The following MCU variants were observed in gnomAD, a reference collection of about 807,000 sequenced individuals.
MCU encodes the protein calcium uniporter protein, mitochondrial.
MCU carries 12 observed loss-of-function variants against 45.2 expected under a neutral mutation model. That is an observed-to-expected ratio of 0.27 (90% CI 0.17 to 0.43). The LOEUF is 0.43. Among genes scored for constraint, MCU ranks in the 20% least tolerant of loss-of-function variants. The pLI is 1.00. For synonymous variants in MCU, 160 were observed against 165.1 expected (o/e 0.97, Z 0.24); for missense variants, 324 against 436.7 (o/e 0.74, Z 2.30).
intron 3 of MCU, chr10:72,860,159 A>G (rs2132870048): frequency 8.2e-6 from 3 of 366,956 alleles, no homozygotes; most frequent in South Asian, 6.5e-5. Context: ...TAGATTTCCA[A>G]TGTACACCTA....
intron 1 of MCU, among the ~76,000 whole-genome samples, chr10:72,803,694 G>C (rs563722607): frequency 6.6e-6 from 1 of 151,520 alleles, no homozygotes; most frequent in Non-Finnish European, 1.5e-5. Context: ...CCAACACATA[G>C]CCTATCTTAT....
chr10:72,757,305 G>GGAGA (rs1843592185), intron 1 of MCU, among the ~76,000 whole-genome samples: 1 of 152,120 alleles, frequency 6.6e-6, no homozygotes, highest in South Asian at 2.1e-4. Flanking sequence ...AAGAAACAAG[G>GGAGA]GAGATGTGAC....
intron 1 of MCU, among the ~76,000 whole-genome samples, chr10:72,731,497 A>G (rs910984361): frequency 1.3e-5 from 2 of 152,110 alleles, no homozygotes; most frequent in African/African-American, 4.8e-5. Flanking sequence ...AAAGTATACA[A>G]TTCAGTGGTT....
chr10:72,720,749 G>A (rs996270012), intron 1 of MCU, among the ~76,000 whole-genome samples: 1 of 152,144 alleles, frequency 6.6e-6, no homozygotes, highest in African/African-American at 2.4e-5. Context: ...GATTTTACTT[G>A]TATTCTCTGC....
rs377258226 is a variant in MCU, at chr10:72,853,322, G to A, written c.221-5855G>A. 4.6e-5 allele frequency among the ~76,000 whole-genome samples: 7 copies of A among 152,148 alleles called. No individual in the cohort carries two copies. In the East Asian group the frequency reaches 9.6e-4, roughly 21 times the overall value. On this transcript the variant is annotated intron_variant, in intron 2 of 7. Transcript: ENST00000373053. ...AGAAATGGAAGATATAAAAAGAAAT[G>A]CAACTTCTAGAGGTGAAAAATATGT...
rs375934982 is a variant in MCU, at chr10:72,833,796, A to AT, written c.151-557dup. On this transcript the variant is annotated intron_variant, in intron 1 of 7. Coordinates refer to ENST00000373053, the MANE Select transcript of MCU (RefSeq NM_138357.3). ...GTAGAGGTGGATGTGAGTGTGAGTGATTTTTTCTAACACTCTGAAGCGGTC... is the reference window on the plus strand; with the variant it reads ...GTAGAGGTGGATGTGAGTGTGAGTGATTTTTTTCTAACACTCTGAAGCGGTC... Among the ~76,000 whole-genome samples, 3 of 152,250 alleles carry AT rather than the reference A, an allele frequency of 2.0e-5. 1 individual carries two copies. Among genetic ancestry groups the AT allele is most frequent in the South Asian group, 4.1e-4 (2 of 4,824 alleles).
chr10:72,726,194 C>G (rs1843098176), intron 1 of MCU, among the ~76,000 whole-genome samples: 1 of 151,954 alleles, frequency 6.6e-6, no homozygotes, highest in African/African-American at 2.4e-5. Context: ...GCCGTGGCAC[C>G]TGGCTCCACC....
chr10:72,828,560 G>A (rs549832050), intron 1 of MCU, among the ~76,000 whole-genome samples: 1 of 151,856 alleles, frequency 6.6e-6, no homozygotes, highest in African/African-American at 2.4e-5. Flanking sequence ...GGGGGCTATT[G>A]ACAGGTTATT....
At chr10:72,787,740 A>G (rs1381044025) in intron 1 of MCU, among the ~76,000 whole-genome samples, 1 of 150,004 alleles carries the variant, frequency 6.7e-6, no homozygotes, top group Non-Finnish European at 1.5e-5. Flanking sequence ...TTTTTTTGAG[A>G]CAGACTCTCG....
intron 1 of MCU, among the ~76,000 whole-genome samples, chr10:72,714,345 C>CTTGTTTTTTTTT (rs1842931827): frequency 1.8e-5 from 1 of 54,768 alleles, no homozygotes; most frequent in African/African-American, 6.4e-5. Context: ...CCGCCCTGGT[C>CTTGTTTTTTTTT]TTTTTTTTTT....
chr10:72,875,299 C>A (rs966673368), intron 6 of MCU, among the ~76,000 whole-genome samples: 1 of 152,140 alleles, frequency 6.6e-6, no homozygotes, highest in African/African-American at 2.4e-5. Flanking sequence ...TTACTTCTTA[C>A]AAAGGGCTGT....
intron 1 of MCU, among the ~76,000 whole-genome samples, chr10:72,702,029 C>T (rs1450940789): frequency 6.6e-6 from 1 of 151,754 alleles, no homozygotes; most frequent in Non-Finnish European, 1.5e-5. Context: ...CACCTGAGGT[C>T]AGGAGTTCAG....
intron 1 of MCU, among the ~76,000 whole-genome samples, chr10:72,815,533 G>C (rs1001557319): frequency 1.3e-5 from 2 of 152,166 alleles, no homozygotes; most frequent in African/African-American, 4.8e-5. Flanking sequence ...CAGAACTTGG[G>C]TTTACCTTAG....
At chr10:72,751,341 CTTTTTT>C (rs71021528) in intron 1 of MCU, among the ~76,000 whole-genome samples, 7 of 44,746 alleles carry the variant, frequency 1.6e-4, no homozygotes, top group East Asian at 5.8e-4. Flanking sequence ...TCTTCTTCTT[CTTTTTT>C]TTTTTTTTTT....
intron 1 of MCU, among the ~76,000 whole-genome samples, chr10:72,743,261 AT>A (rs1843361014): frequency 6.6e-6 from 1 of 151,718 alleles, no homozygotes; most frequent in African/African-American, 2.4e-5. Context: ...ATAAAAAAAA[AT>A]AAATGCTAGG....
intron 1 of MCU, among the ~76,000 whole-genome samples, chr10:72,735,073 C>CA (rs746175227): frequency 0.014 from 1,332 of 98,326 alleles, 7 homozygotes; most frequent in Non-Finnish European, 0.018. Context: ...GAGATTGTCT[C>CA]AAAAAAAAAA....
At position 72,884,295 on chromosome 10, in the gene MCU, A is replaced by G. The variant is rs994852419; in HGVS notation, c.891A>G (p.Arg297=). ...QEYVYPEARD[R]QYLLFFHKGA... ...ATGTTTATCCAGAAGCCAGAGACAG[A>G]CAATACTTACTATTTTTCCATAAAG... The change falls in exon 7 of 8, where the codon AGA becomes AGG. Residue 297 remains arginine (R), a synonymous_variant. Coordinates refer to ENST00000373053, the MANE Select transcript of MCU (RefSeq NM_138357.3). 2 of 1,610,444 alleles carry G rather than the reference A, an allele frequency of 1.2e-6. No homozygotes were observed. The highest frequency in any genetic ancestry group is 1.3e-5 in the African/African-American group (1 of 74,834).
At position 72,714,139 on chromosome 10, in the gene MCU, G is replaced by C. The variant is rs573414622; in HGVS notation, c.150+21838G>C. ...GCTCTACCACACCTGGCTAATTTTTGTATTTTTAGTAGCGATGGGGTTTCA... is the reference window on the plus strand; with the variant it reads ...GCTCTACCACACCTGGCTAATTTTTCTATTTTTAGTAGCGATGGGGTTTCA... On this transcript the variant is annotated intron_variant, in intron 1 of 7. Transcript: ENST00000373053. 4.7e-3 allele frequency among the ~76,000 whole-genome samples: 710 copies of C among 151,516 alleles called. 7 individuals are homozygous for C. The highest frequency in any genetic ancestry group is 6.8e-3 in the Non-Finnish European group (463 of 67,818).
At chr10:72,822,103 C>T (rs914746623) in intron 1 of MCU, among the ~76,000 whole-genome samples, 8 of 152,080 alleles carry the variant, frequency 5.3e-5, no homozygotes, top group African/African-American at 1.4e-4. Flanking sequence ...TGGTGAAACC[C>T]CATGTCTACT....
Sources: allele counts gnomAD v4.1 joint callset (sites outside exome capture counted in the v4.1 genomes callset), GRCh38; gene constraint gnomAD v4.1.1; transcripts MANE v1.5; gene names NCBI Gene and HGNC (gene_info 2026-07-23, HGNC 2026-07-21).